Variants in PTPRM observed in about 807,000 individuals in gnomAD.
PTPRM encodes the protein receptor-type tyrosine-protein phosphatase mu.
In PTPRM, 47 loss-of-function variants were observed where a neutral mutation model predicts 186.7. The ratio of observed to expected loss-of-function variants is 0.25; its 90% confidence interval spans 0.20 to 0.32. The LOEUF (loss-of-function observed/expected upper bound fraction) is 0.32, where lower values mean the gene tolerates loss of function less well. PTPRM is among the 10% of genes least tolerant of loss of function. The pLI is 1.00. For synonymous variants in PTPRM, 668 were observed against 674.9 expected (o/e 0.99, Z 0.16); for missense variants, 1,494 against 1,865.0 (o/e 0.80, Z 3.66).
chr18:7,702,451 G>A (rs1306285067), intron 1 of PTPRM, among the ~76,000 whole-genome samples: 2 of 152,094 alleles, frequency 1.3e-5, no homozygotes, highest in African/African-American at 4.8e-5. Flanking sequence ...GTGATGATGA[G>A]GGTTTTTTTC....
chr18:7,994,608 G>A (rs772923173), intron 7 of PTPRM, among the ~76,000 whole-genome samples: 1 of 151,996 alleles, frequency 6.6e-6, no homozygotes, highest in Non-Finnish European at 1.5e-5. Context: ...ATATAAAAAA[G>A]TCAAAATCAC....
At chr18:8,269,829 C>T (rs1433863653) in intron 19 of PTPRM, among the ~76,000 whole-genome samples, 1 of 151,996 alleles carries the variant, frequency 6.6e-6, no homozygotes, top group African/African-American at 2.4e-5. Flanking sequence ...ACTAGATATG[C>T]ACATGCAAAA....
chr18:7,784,795 G>A (rs371911385), intron 2 of PTPRM, among the ~76,000 whole-genome samples: 2 of 152,162 alleles, frequency 1.3e-5, no homozygotes, highest in South Asian at 4.1e-4. Context: ...AGTCACCAGG[G>A]ATTCAGGGAG....
At chr18:8,357,767 GTGGT>G (rs2095571372) in intron 23 of PTPRM, among the ~76,000 whole-genome samples, 1 of 151,982 alleles carries the variant, frequency 6.6e-6, no homozygotes, top group African/African-American at 2.4e-5. Flanking sequence ...AAGGTAAACT[GTGGT>G]TTAAAGGAGA....
intron 7 of PTPRM, among the ~76,000 whole-genome samples, chr18:8,031,334 A>AGT (rs1386870744): frequency 1.3e-5 from 2 of 152,176 alleles, no homozygotes; most frequent in Non-Finnish European, 2.9e-5. Context: ...TATGTTGGCT[A>AGT]GTGGGTGGAA....
chr18:8,326,677 A>G (rs55653524), intron 22 of PTPRM, among the ~76,000 whole-genome samples: 24,074 of 152,142 alleles, frequency 0.16, 2,439 homozygotes, highest in African/African-American at 0.29. Context: ...AAAACAAGCA[A>G]TGGGGAAAGG....
intron 11 of PTPRM, among the ~76,000 whole-genome samples, chr18:8,092,070 T>TA (rs921350187): frequency 2.0e-5 from 3 of 151,784 alleles, no homozygotes; most frequent in African/African-American, 4.8e-5. Context: ...ATTTTTTTTT[T>TA]AATCCGTATT....
intron 14 of PTPRM, among the ~76,000 whole-genome samples, chr18:8,240,495 GAGAGAGGAAGGAAGGAAGGAAGGAAGGA>G: frequency 3.5e-5 from 2 of 57,682 alleles, no homozygotes; most frequent in Admixed American, 1.9e-4. Flanking sequence ...GAGAGAGAGA[GAGAGAGGAAGGAAGGAAGGAAGGAAGGA>G]AGGAAGGAAG....
intron 2 of PTPRM, among the ~76,000 whole-genome samples, chr18:7,821,221 C>G (rs2045175677): frequency 6.6e-6 from 1 of 152,112 alleles, no homozygotes; most frequent in Non-Finnish European, 1.5e-5. Context: ...TCTCCATAGT[C>G]TGGGTTCCTT....
At chr18:7,982,267 CTGTTTT>C in intron 7 of PTPRM, among the ~76,000 whole-genome samples, 1 of 147,388 alleles carries the variant, frequency 6.8e-6, no homozygotes, top group East Asian at 2.0e-4. Context: ...AAGCTGTTTT[CTGTTTT>C]TAAGTTTTTA....
intron 7 of PTPRM, among the ~76,000 whole-genome samples, chr18:7,976,770 G>T (rs1163817989): frequency 6.6e-6 from 1 of 152,120 alleles, no homozygotes; most frequent in African/African-American, 2.4e-5. Context: ...ACTGACAGTG[G>T]CCAGTATAAA....
chr18:8,127,815 C>T (rs563370806), intron 13 of PTPRM, among the ~76,000 whole-genome samples: 61 of 152,246 alleles, frequency 4.0e-4, no homozygotes, highest in African/African-American at 1.3e-3. Context: ...GGAGAGCTGG[C>T]CCTACCATGA....
intron 22 of PTPRM, among the ~76,000 whole-genome samples, chr18:8,334,091 CT>C (rs1197273584): frequency 6.6e-6 from 1 of 152,220 alleles, no homozygotes; most frequent in Non-Finnish European, 1.5e-5. Flanking sequence ...CCTCACACTG[CT>C]GTGTTGGGGA....
chr18:7,706,140 T>C (rs1365307423), intron 1 of PTPRM, among the ~76,000 whole-genome samples: 1 of 151,738 alleles, frequency 6.6e-6, no homozygotes, highest in East Asian at 1.9e-4. Context: ...TTATATTTTT[T>C]TCCAGTATTG....
At chr18:8,385,412 G>A (rs2095765721) in intron 30 of PTPRM, among the ~76,000 whole-genome samples, 1 of 152,200 alleles carries the variant, frequency 6.6e-6, no homozygotes, top group African/African-American at 2.4e-5. Context: ...AAAGTGCTAG[G>A]GCCTTACAGT....
chr18:8,206,288 A>C (rs1417053675), intron 14 of PTPRM, among the ~76,000 whole-genome samples: 2 of 111,850 alleles, frequency 1.8e-5, no homozygotes, highest in East Asian at 7.8e-4. Flanking sequence ...GGAGTCTTGC[A>C]CTGTCGCCCA....
intron 1 of PTPRM, among the ~76,000 whole-genome samples, chr18:7,628,530 A>G (rs1255709548): frequency 6.6e-6 from 1 of 152,220 alleles, no homozygotes; most frequent in Admixed American, 6.5e-5. Flanking sequence ...AAGATCATAT[A>G]ATCTGTTAAA....
chr18:8,336,114 G>A (rs1358726415), intron 22 of PTPRM, among the ~76,000 whole-genome samples: 1 of 152,138 alleles, frequency 6.6e-6, no homozygotes, highest in Non-Finnish European at 1.5e-5. Context: ...CTTAACATAA[G>A]CCAAAATGCT....
intron 14 of PTPRM, among the ~76,000 whole-genome samples, chr18:8,166,611 G>T (rs1481294371): frequency 6.6e-6 from 1 of 152,202 alleles, no homozygotes; most frequent in African/African-American, 2.4e-5. Flanking sequence ...ATTTGGTGAT[G>T]ATGATGACAG....
Sources: allele counts gnomAD v4.1 joint callset (sites outside exome capture counted in the v4.1 genomes callset), GRCh38; gene constraint gnomAD v4.1.1; transcripts MANE v1.5; gene names NCBI Gene and HGNC (gene_info 2026-07-23, HGNC 2026-07-21).